Variants in SLIT2 observed in about 807,000 individuals in gnomAD.
SLIT2 encodes the protein slit homolog 2 protein.
SLIT2 carries 41 observed loss-of-function variants against 185.7 expected under a neutral mutation model. The observed-to-expected ratio is 0.22, with a 90% CI of 0.17 to 0.29. SLIT2 has a LOEUF of 0.29. Among genes scored for constraint, SLIT2 ranks in the 10% least tolerant of loss-of-function variants. The pLI, the probability that SLIT2 is intolerant of heterozygous loss-of-function variation, is 1.00. For synonymous variants in SLIT2, 693 were observed against 680.2 expected (o/e 1.02, Z -0.29); for missense variants, 1,571 against 1,909.0 (o/e 0.82, Z 3.30).
chr4:20,314,517 C>T (rs944836721), intron 4 of SLIT2, among the ~76,000 whole-genome samples: 1 of 152,080 alleles, frequency 6.6e-6, no homozygotes, highest in Non-Finnish European at 1.5e-5. Flanking sequence ...CCTTGTCGAG[C>T]TTAGTATTTT....
chr4:20,528,964 G>T lies in SLIT2; in HGVS notation c.1478G>T (p.Arg493Leu), dbSNP rs201524539. The change falls in exon 16 of 37, where the codon CGA becomes CTA. Residue 493 changes from arginine (R) to leucine (L), a missense_variant. Around this residue, in one of 3 missense-constraint regions of SLIT2, gnomAD observed 1,202 missense variants for 1,416.4 expected, o/e 0.85. Coordinates refer to ENST00000504154, the MANE Select transcript of SLIT2 (RefSeq NM_004787.4). This position sits in a 1 kb window ranked among gnomAD's most constrained non-coding sequence, Gnocchi z 4.2. Reference protein sequence around the residue: ...QYFIPGTEDYRSKLSGDCFAD... With the variant: ...QYFIPGTEDYLSKLSGDCFAD... ...TTCTCAATAGGTACAGAAGATTATC[G>T]ATCAAAATTAAGTGGAGACTGCTTT... is the stretch of plus-strand genomic sequence containing the variant. 2 of 1,613,378 alleles carry T rather than the reference G, an allele frequency of 1.2e-6. No homozygotes were observed. The highest frequency in any genetic ancestry group is 2.2e-5 in the East Asian group (1 of 44,862).
intron 18 of SLIT2, among the ~76,000 whole-genome samples, chr4:20,536,039 A>C (rs1722247538): frequency 6.6e-6 from 1 of 152,202 alleles, no homozygotes; most frequent in South Asian, 2.1e-4. Flanking sequence ...TACTGTAGGC[A>C]ATTGTTACTA....
chr4:20,445,016 T>A (rs1711604592), intron 4 of SLIT2, among the ~76,000 whole-genome samples: 1 of 152,190 alleles, frequency 6.6e-6, no homozygotes, highest in African/African-American at 2.4e-5. Flanking sequence ...GTCTTCTCAA[T>A]ATCTCATGCA....
intron 4 of SLIT2, among the ~76,000 whole-genome samples, chr4:20,417,706 G>A (rs937390970): frequency 6.6e-6 from 1 of 151,582 alleles, no homozygotes; most frequent in African/African-American, 2.4e-5. Flanking sequence ...TTTTAGTAGA[G>A]AAGAGCTTTC....
Position 20,500,689 on chromosome 4 carries a change from G to A in SLIT2, c.914+8790G>A, listed in dbSNP as rs911829376. Among the ~76,000 whole-genome samples the A allele has an allele frequency of 3.5e-4, 53 of 152,018 alleles. 1 individual carries two copies. Among genetic ancestry groups the A allele is most frequent in the African/African-American group, 1.1e-3 (45 of 41,394 alleles). Reference sequence around the variant, plus strand: ...GGAAACACTATGTAGGAAACTATACGTCTCCTAAAGGTTAGGAAAATTCTT... The same window carrying A: ...GGAAACACTATGTAGGAAACTATACATCTCCTAAAGGTTAGGAAAATTCTT... On this transcript the variant is annotated intron_variant, in intron 9 of 36. Coordinates refer to ENST00000504154, the MANE Select transcript of SLIT2 (RefSeq NM_004787.4).
intron 4 of SLIT2, among the ~76,000 whole-genome samples, chr4:20,351,548 A>G (rs140449205): frequency 2.1e-3 from 320 of 152,260 alleles, no homozygotes; most frequent in Middle Eastern, 0.01. Flanking sequence ...TCTACCACAG[A>G]CAGCTCCCCA....
chr4:20,391,803 A>G (rs958057492), intron 4 of SLIT2, among the ~76,000 whole-genome samples: 2 of 152,082 alleles, frequency 1.3e-5, no homozygotes, highest in African/African-American at 2.4e-5. Context: ...CTTGATATCT[A>G]TATGGTTCTT....
In SLIT2 at chr4:20,600,070, T is replaced by C. The variant is rs138200053; in HGVS notation, c.3692+1675T>C. 7.3e-3 allele frequency among the ~76,000 whole-genome samples: 1,117 copies of C among 152,296 alleles called. 11 individuals are homozygous for C. Among genetic ancestry groups the C allele is most frequent in the Middle Eastern group, 0.02 (6 of 294 alleles). On this transcript the variant is annotated intron_variant, in intron 33 of 36. Coordinates refer to ENST00000504154, the MANE Select transcript of SLIT2 (RefSeq NM_004787.4). ...GATGAATTAGTGCCAAGATTTTAGATATTACGAGGCCTTAAATTTTCTTGC... is the reference window on the plus strand; with the variant it reads ...GATGAATTAGTGCCAAGATTTTAGACATTACGAGGCCTTAAATTTTCTTGC...
chr4:20,537,893 G>C (rs900796529), intron 18 of SLIT2, among the ~76,000 whole-genome samples: 2 of 152,052 alleles, frequency 1.3e-5, no homozygotes, highest in Non-Finnish European at 2.9e-5. Flanking sequence ...TGAAATTTGT[G>C]CATATGTGTG....
chr4:20,577,319 A>T (rs538109476), intron 29 of SLIT2, among the ~76,000 whole-genome samples: 1 of 152,360 alleles, frequency 6.6e-6, no homozygotes, highest in African/African-American at 2.4e-5. Context: ...GAAAACAAAA[A>T]TAGGAACCGA....
chr4:20,486,736 T>G (rs1717281356), intron 7 of SLIT2, among the ~76,000 whole-genome samples: 2 of 152,154 alleles, frequency 1.3e-5, no homozygotes, highest in African/African-American at 2.4e-5. Flanking sequence ...AAAATATCTT[T>G]CTGGGTTACA....
At chr4:20,360,742 A>G (rs1722672023) in intron 4 of SLIT2, among the ~76,000 whole-genome samples, 2 of 152,190 alleles carry the variant, frequency 1.3e-5, no homozygotes, top group Admixed American at 1.3e-4. Flanking sequence ...AAAACTGTGC[A>G]TGGTACATAC....
rs1711518305 is a variant in SLIT2, at chr4:20,254,233, A to C, written c.179+239A>C. 6.6e-6 allele frequency among the ~76,000 whole-genome samples: 1 copy of C among 152,020 alleles called. No homozygotes were observed. ...CTCCCTCCCCTGCTCTCGTCCCGCC[A>C]CTCGCAGCTCCTTGCTGGCTAGTTC... On this transcript the variant is annotated intron_variant, in intron 1 of 36. Coordinates refer to ENST00000504154, the MANE Select transcript of SLIT2 (RefSeq NM_004787.4). This position sits in a 1 kb window ranked among gnomAD's most constrained non-coding sequence, Gnocchi z 5.1.
chr4:20,511,363 T>G (rs1003702651), intron 11 of SLIT2, among the ~76,000 whole-genome samples: 5 of 151,630 alleles, frequency 3.3e-5, no homozygotes, highest in African/African-American at 1.2e-4. Flanking sequence ...TATAGTTTGA[T>G]CATTTTGCTG....
At chr4:20,546,196 A>G in intron 22 of SLIT2, 97 bp downstream of exon 22, 1 of 632,234 alleles carries the variant, frequency 1.6e-6, no homozygotes, top group South Asian at 2.3e-5. Flanking sequence ...AGATAATACA[A>G]ATCATTCACA....
intron 4 of SLIT2, among the ~76,000 whole-genome samples, chr4:20,283,105 C>CAT (rs200289686): frequency 0.029 from 4,006 of 136,034 alleles, 150 homozygotes; most frequent in East Asian, 0.18. Flanking sequence ...TGCCTGTGTG[C>CAT]CTGTGTGCGC....
chr4:20,289,640 C>T (rs1715612269), intron 4 of SLIT2, among the ~76,000 whole-genome samples: 1 of 152,180 alleles, frequency 6.6e-6, no homozygotes, highest in Non-Finnish European at 1.5e-5. Context: ...TTAGAGATCT[C>T]TTTATCTGCC....
chr4:20,331,388 C>A (rs1577446343), intron 4 of SLIT2, among the ~76,000 whole-genome samples: 3 of 152,210 alleles, frequency 2.0e-5, no homozygotes, highest in South Asian at 4.1e-4. Flanking sequence ...ACTAGTGCAA[C>A]AGTCTATAAG....
intron 18 of SLIT2, among the ~76,000 whole-genome samples, chr4:20,539,024 C>T (rs1204517288): frequency 1.3e-5 from 2 of 152,114 alleles, no homozygotes; most frequent in Admixed American, 6.5e-5. Context: ...TCTGCAGTGG[C>T]TATTGATTCT....
Sources: gnomAD v4.1 joint callset for allele counts (sites outside exome capture counted in the v4.1 genomes callset) on GRCh38, gnomAD v4.1.1 for gene constraint, gnomAD v4.1.1 regional missense constraint, Gnocchi (gnomAD v3.1) non-coding constraint, MANE v1.5 for transcripts, NCBI Gene and HGNC (gene_info 2026-07-23, HGNC 2026-07-21) for gene names.